The following GPC5 variants were observed in gnomAD, a reference collection of about 807,000 sequenced individuals.
GPC5 encodes glypican-5.
A neutral mutation model predicts 53.9 loss-of-function variants in GPC5; 47 were observed. That is an observed-to-expected ratio of 0.87 (90% CI 0.69 to 1.11). GPC5 has a LOEUF of 1.11. GPC5 is among the 50% of genes most tolerant of loss of function. The pLI, the probability that GPC5 is intolerant of heterozygous loss-of-function variation, is 0.00. For synonymous variants in GPC5, 286 were observed against 263.3 expected, an observed-to-expected ratio of 1.09 and a Z score of -0.84; for missense variants, 748 against 713.1, an observed-to-expected ratio of 1.05 and a Z score of -0.56.
intron 7 of GPC5, among the ~76,000 whole-genome samples, chr13:92,561,068 G>A (rs1882679382): frequency 6.6e-6 from 1 of 151,902 alleles, no homozygotes; most frequent in South Asian, 2.1e-4. Flanking sequence ...TGTGGAATGA[G>A]CATTGCCTTC....
intron 2 of GPC5, among the ~76,000 whole-genome samples, chr13:91,491,214 C>T (rs1018628927): frequency 7.2e-5 from 11 of 152,118 alleles, no homozygotes; most frequent in African/African-American, 1.2e-4. Context: ...ATAACTGGCC[C>T]CCAAGTCACC....
At chr13:92,025,821 T>C (rs936072537) in intron 6 of GPC5, among the ~76,000 whole-genome samples, 1 of 152,210 alleles carries the variant, frequency 6.6e-6, no homozygotes. Flanking sequence ...AGCTAAATCA[T>C]TCTTTTTAAA....
At chr13:91,400,422 A>G (rs1876848571) in intron 1 of GPC5, among the ~76,000 whole-genome samples, 1 of 152,178 alleles carries the variant, frequency 6.6e-6, no homozygotes, top group African/African-American at 2.4e-5. Context: ...GTTTGGTACT[A>G]GGTGCTTTTT....
chr13:91,768,483 C>T (rs556957691), intron 5 of GPC5, among the ~76,000 whole-genome samples: 1 of 152,020 alleles, frequency 6.6e-6, no homozygotes, highest in Non-Finnish European at 1.5e-5. Context: ...ATTGTCTAAA[C>T]ACACACACAA....
intron 7 of GPC5, among the ~76,000 whole-genome samples, chr13:92,341,567 A>G (rs1451752067): frequency 6.6e-6 from 1 of 152,104 alleles, no homozygotes; most frequent in African/African-American, 2.4e-5. Flanking sequence ...AAATATATTG[A>G]TTGAATAATT....
chr13:91,413,697 A>G (rs544331817), intron 1 of GPC5, among the ~76,000 whole-genome samples: 2 of 152,340 alleles, frequency 1.3e-5, no homozygotes, highest in East Asian at 3.9e-4. Flanking sequence ...CAGCAAAACA[A>G]TAGTCACTCT....
chr13:91,500,871 A>C (rs764115204), intron 2 of GPC5, among the ~76,000 whole-genome samples: 6 of 152,144 alleles, frequency 3.9e-5, no homozygotes, highest in Non-Finnish European at 7.4e-5. Flanking sequence ...TGGTTCCCCC[A>C]TACTGTTCTC....
chr13:92,017,748 C>T (rs1036350405), intron 6 of GPC5, among the ~76,000 whole-genome samples: 3 of 152,028 alleles, frequency 2.0e-5, no homozygotes, highest in African/African-American at 4.8e-5. Context: ...TACACACACA[C>T]TTCCACAAAA....
intron 2 of GPC5, among the ~76,000 whole-genome samples, chr13:91,548,972 T>C (rs1462794931): frequency 6.6e-6 from 1 of 152,074 alleles, no homozygotes; most frequent in Non-Finnish European, 1.5e-5. Context: ...TAGACGTAAG[T>C]GCAAAATGCA....
chr13:92,833,583 G>A (rs1215846809), intron 7 of GPC5, among the ~76,000 whole-genome samples: 1 of 152,026 alleles, frequency 6.6e-6, no homozygotes, highest in African/African-American at 2.4e-5. Context: ...AGCTGTCCTT[G>A]TTCTATCTTA....
intron 2 of GPC5, among the ~76,000 whole-genome samples, chr13:91,470,459 A>C (rs1374207785): frequency 1.3e-5 from 2 of 152,188 alleles, no homozygotes; most frequent in Non-Finnish European, 2.9e-5. Context: ...GGGAAGCGAG[A>C]TGGAAAGTGT....
chr13:92,745,582 C>G (rs1445836990), intron 7 of GPC5, among the ~76,000 whole-genome samples: 1 of 152,050 alleles, frequency 6.6e-6, no homozygotes, highest in Non-Finnish European at 1.5e-5. Context: ...CAAGCTGAGT[C>G]CTCTGGTCAT....
At chr13:92,069,408 ATGTGTGTGTGTGTGTGTG>A (rs67467167) in intron 6 of GPC5, among the ~76,000 whole-genome samples, 2 of 143,114 alleles carry the variant, frequency 1.4e-5, no homozygotes, top group Admixed American at 7.0e-5. Flanking sequence ...GTGTGCGTGC[ATGTGTGTGTGTGTGTGTG>A]TGTGTGTGTG....
At chr13:91,573,396 C>T (rs555436845) in intron 2 of GPC5, among the ~76,000 whole-genome samples, 68 of 152,252 alleles carry the variant, frequency 4.5e-4, no homozygotes, top group African/African-American at 1.5e-3. Flanking sequence ...GTAGTCATTA[C>T]GCTAATTCAG....
At chr13:91,980,868 T>C (rs1446194471) in intron 6 of GPC5, among the ~76,000 whole-genome samples, 1 of 152,232 alleles carries the variant, frequency 6.6e-6, no homozygotes, top group East Asian at 1.9e-4. Flanking sequence ...CTTCTGTGTT[T>C]GATGTCTTTC....
intron 5 of GPC5, among the ~76,000 whole-genome samples, chr13:91,869,761 G>A (rs1180998614): frequency 1.3e-5 from 2 of 152,144 alleles, no homozygotes; most frequent in African/African-American, 4.8e-5. Flanking sequence ...AGGGATGGCT[G>A]GGGAGGCCTC....
chr13:92,505,622 A>G (rs1880338409), intron 7 of GPC5, among the ~76,000 whole-genome samples: 1 of 152,100 alleles, frequency 6.6e-6, no homozygotes, highest in Non-Finnish European at 1.5e-5. Context: ...TTTACCCCAG[A>G]AAAATAACTT....
At chr13:91,952,733 G>GA (rs1034257936) in intron 6 of GPC5, among the ~76,000 whole-genome samples, 5 of 151,458 alleles carry the variant, frequency 3.3e-5, no homozygotes, top group East Asian at 1.9e-4. Flanking sequence ...GCACATTCAA[G>GA]AAAAAAAATA....
At chr13:92,675,580 C>CT (rs35344444) in intron 7 of GPC5, among the ~76,000 whole-genome samples, 146 of 148,962 alleles carry the variant, frequency 9.8e-4, no homozygotes, top group East Asian at 2.2e-3. Context: ...TGTCCCCCTC[C>CT]TTTTTTTTTT....
Sources: allele counts gnomAD v4.1 joint callset (sites outside exome capture counted in the v4.1 genomes callset), GRCh38; gene constraint gnomAD v4.1.1; transcripts MANE v1.5; gene names NCBI Gene and HGNC (gene_info 2026-07-23, HGNC 2026-07-21).